RBFOX1: variants seen among roughly 807,000 people sequenced by gnomAD.
RBFOX1 encodes RNA binding protein fox-1 homolog 1.
A neutral mutation model predicts 57.7 loss-of-function variants in RBFOX1; 8 were observed. The ratio of observed to expected loss-of-function variants is 0.14; its 90% CI spans 0.08 to 0.25. The LOEUF (loss-of-function observed/expected upper bound fraction) is 0.25. RBFOX1 is among the 10% of genes least tolerant of loss of function. RBFOX1 has a pLI of 1.00. For synonymous variants in RBFOX1, 326 were observed against 222.4 expected (o/e 1.47, Z -4.15); for missense variants, 611 against 548.5 (o/e 1.11, Z -1.14).
At chr16:6,814,272 A>G (rs2089534626) in intron 3 of RBFOX1, among the ~76,000 whole-genome samples, 1 of 152,006 alleles carries the variant, frequency 6.6e-6, no homozygotes, top group South Asian at 2.1e-4. Context: ...AGGAGGTCTA[A>G]GAGAGTCAGA....
At chr16:6,212,578 G>C in intron 1 of RBFOX1, among the ~76,000 whole-genome samples, 1 of 152,004 alleles carries the variant, frequency 6.6e-6, no homozygotes, top group East Asian at 1.9e-4. Context: ...ATGGTGGTGG[G>C]CGCCTGTAGT....
intron 4 of RBFOX1, among the ~76,000 whole-genome samples, chr16:7,234,807 A>G (rs1290610143): frequency 6.6e-6 from 1 of 152,016 alleles, no homozygotes; most frequent in Non-Finnish European, 1.5e-5. Flanking sequence ...TCAATTTCCA[A>G]AAATATGCAA....
intron 4 of RBFOX1, among the ~76,000 whole-genome samples, chr16:7,265,088 C>A (rs1000136432): frequency 2.6e-5 from 4 of 152,208 alleles, no homozygotes; most frequent in Non-Finnish European, 5.9e-5. Flanking sequence ...ACCCTTTGTT[C>A]TAGCAATATT....
At chr16:5,904,068 A>C (rs762676177) in intron 4 of RBFOX1, among the ~76,000 whole-genome samples, 1 of 152,162 alleles carries the variant, frequency 6.6e-6, no homozygotes, top group Non-Finnish European at 1.5e-5. Flanking sequence ...AAAGGCCAGC[A>C]TGTTCCCTGC....
At chr16:7,419,854 C>T (rs990301122) in intron 4 of RBFOX1, among the ~76,000 whole-genome samples, 1 of 151,254 alleles carries the variant, frequency 6.6e-6, no homozygotes, top group Non-Finnish European at 1.5e-5. Flanking sequence ...TTTTTCTTTT[C>T]TCCACTAATT....
intron 1 of RBFOX1, among the ~76,000 whole-genome samples, chr16:6,167,164 G>A (rs569482015): frequency 6.6e-6 from 1 of 152,368 alleles, no homozygotes; most frequent in African/African-American, 2.4e-5. Flanking sequence ...GAAGGGCAAA[G>A]GGTGTTGGAT....
intron 12 of RBFOX1, among the ~76,000 whole-genome samples, chr16:7,661,459 C>G: frequency 6.6e-6 from 1 of 152,190 alleles, no homozygotes; most frequent in African/African-American, 2.4e-5. Flanking sequence ...CAGCACTTCA[C>G]TCCTCTCTAC....
chr16:6,677,045 A>G (rs2057848954), intron 3 of RBFOX1, among the ~76,000 whole-genome samples: 1 of 152,230 alleles, frequency 6.6e-6, no homozygotes, highest in Non-Finnish European at 1.5e-5. Context: ...GGCACTTTTA[A>G]GTACTAAATG....
chr16:6,210,358 C>CAAAAAAAAAAAAAAAAAAAAAAAAAAAAA (rs1567684381), intron 1 of RBFOX1, among the ~76,000 whole-genome samples: 10 of 96,676 alleles, frequency 1.0e-4, no homozygotes, highest in Admixed American at 1.3e-4. Context: ...AAAAAAAAAA[C>CAAAAAAAAAAAAAAAAAAAAAAAAAAAAA]ACCAAAAAAA....
At chr16:7,267,588 C>T (rs1299185029) in intron 4 of RBFOX1, among the ~76,000 whole-genome samples, 1 of 151,220 alleles carries the variant, frequency 6.6e-6, no homozygotes, top group African/African-American at 2.4e-5. Flanking sequence ...AGCACGATGG[C>T]TCATGTCTGT....
chr16:6,930,555 A>G (rs1240400106), intron 3 of RBFOX1, among the ~76,000 whole-genome samples: 1 of 151,612 alleles, frequency 6.6e-6, no homozygotes. Context: ...GATTACAGGT[A>G]CCCCCCACCA....
intron 4 of RBFOX1, among the ~76,000 whole-genome samples, chr16:7,434,418 G>A (rs2098706169): frequency 6.6e-6 from 1 of 152,006 alleles, no homozygotes; most frequent in Non-Finnish European, 1.5e-5. Context: ...CTTGCAGTGA[G>A]CCGAGATAGC....
At chr16:6,351,970 C>T (rs947213397) in intron 2 of RBFOX1, among the ~76,000 whole-genome samples, 1 of 152,146 alleles carries the variant, frequency 6.6e-6, no homozygotes, top group African/African-American at 2.4e-5. Context: ...TTATACACTG[C>T]AGAACCAGCA....
intron 1 of RBFOX1, among the ~76,000 whole-genome samples, chr16:6,301,955 A>G (rs918268458): frequency 5.3e-5 from 8 of 152,134 alleles, no homozygotes; most frequent in African/African-American, 1.9e-4. Flanking sequence ...GGGTCTGTAA[A>G]TGCCCCAATA....
At chr16:5,526,144 T>G (rs2044236245) in intron 2 of RBFOX1, among the ~76,000 whole-genome samples, 1 of 152,072 alleles carries the variant, frequency 6.6e-6, no homozygotes, top group Non-Finnish European at 1.5e-5. Context: ...GTCTCGAGAG[T>G]GACTTTGCTT....
intron 2 of RBFOX1, among the ~76,000 whole-genome samples, chr16:6,550,034 A>G (rs1206934657): frequency 6.6e-6 from 1 of 152,194 alleles, no homozygotes; most frequent in Non-Finnish European, 1.5e-5. Flanking sequence ...CCACCCAAGA[A>G]GTGGACACCA....
chr16:5,369,405 C>T (rs552836634), intron 1 of RBFOX1, among the ~76,000 whole-genome samples: 1 of 152,256 alleles, frequency 6.6e-6, no homozygotes, highest in South Asian at 2.1e-4. Context: ...GGGACCAGCA[C>T]TGACAGACAT....
intron 4 of RBFOX1, among the ~76,000 whole-genome samples, chr16:7,169,186 T>A (rs1029752287): frequency 2.6e-5 from 4 of 152,234 alleles, no homozygotes; most frequent in Admixed American, 1.3e-4. Context: ...ATGGCCATAG[T>A]TTCCTCATAT....
chr16:6,684,294 C>A (rs552103393), intron 3 of RBFOX1, among the ~76,000 whole-genome samples: 3 of 152,168 alleles, frequency 2.0e-5, no homozygotes, highest in African/African-American at 7.2e-5. Flanking sequence ...AGCTCCCAGG[C>A]GCCAGCCACT....
Sources: gnomAD v4.1 joint callset for allele counts (sites outside exome capture counted in the v4.1 genomes callset) on GRCh38, gnomAD v4.1.1 for gene constraint, MANE v1.5 for transcripts, NCBI Gene and HGNC (gene_info 2026-07-23, HGNC 2026-07-21) for gene names.